The following PPP4R4 variants were observed in gnomAD, a reference collection of about 807,000 sequenced individuals.
PPP4R4 encodes protein phosphatase 4 regulatory subunit 4.
In PPP4R4, 70 loss-of-function variants were observed where a neutral mutation model predicts 121.8. The observed-to-expected ratio is 0.57, with a 90% confidence interval of 0.47 to 0.70. The LOEUF is 0.70. Among genes scored for constraint, PPP4R4 ranks in the 30% least tolerant of loss-of-function variants. The pLI is 0.00. For synonymous variants in PPP4R4, 348 were observed against 355.7 expected, an observed-to-expected ratio of 0.98 and a Z score of 0.24; for missense variants, 875 against 1,033.6, an observed-to-expected ratio of 0.85 and a Z score of 2.10.
chr14:94,256,732 AT>A, intron 17 of PPP4R4, 128 bp downstream of exon 17: 2 of 1,054,348 alleles, frequency 1.9e-6, no homozygotes, highest in South Asian at 3.9e-5. Flanking sequence ...AATTGTAAGA[AT>A]TAGTAAATGA....
intron 3 of PPP4R4, among the ~76,000 whole-genome samples, chr14:94,225,720 A>C (rs536976299): frequency 6.6e-6 from 1 of 152,308 alleles, no homozygotes; most frequent in South Asian, 2.1e-4. Context: ...ACTTCTTTCC[A>C]GTTTCCCAGA....
chr14:94,186,511 A>G (rs1157735541), intron 2 of PPP4R4, among the ~76,000 whole-genome samples: 4 of 152,206 alleles, frequency 2.6e-5, no homozygotes, highest in Admixed American at 1.3e-4. Context: ...CAGTTGATGG[A>G]CATTTGGGTA....
intron 18 of PPP4R4, 62 bp from the exon 19 acceptor site, chr14:94,259,233 A>G (rs74390442): frequency 0.09 from 138,618 of 1,542,392 alleles, 7,513 homozygotes; most frequent in African/African-American, 0.18. Flanking sequence ...TGAAAGGAAT[A>G]TTTTAAACTT....
intron 17 of PPP4R4, among the ~76,000 whole-genome samples, chr14:94,257,535 G>A (rs996516444): frequency 1.3e-5 from 2 of 151,764 alleles, no homozygotes; most frequent in African/African-American, 4.8e-5. Context: ...TAAGTGATTT[G>A]ATGACTTAGT....
At chr14:94,276,675 G>C (rs897393460) in intron 24 of PPP4R4, among the ~76,000 whole-genome samples, 2 of 152,110 alleles carry the variant, frequency 1.3e-5, no homozygotes, top group South Asian at 4.1e-4. Context: ...CCTCCCACCA[G>C]GCCTCATCTC....
At chr14:94,253,808 GGC>G (rs1893319688) in intron 16 of PPP4R4, among the ~76,000 whole-genome samples, 1 of 152,164 alleles carries the variant, frequency 6.6e-6, no homozygotes, top group South Asian at 2.1e-4. Flanking sequence ...TCTCTTGCCT[GGC>G]CAGCTGCCAG....
Position 94,246,405 on chromosome 14 carries a change from C to T in PPP4R4, c.1477C>T (p.Arg493Ter), listed in dbSNP as rs763448177. 1.9e-6 allele frequency: 3 copies of T among 1,613,800 alleles called. No homozygotes were observed. Among genetic ancestry groups the T allele is most frequent in the Non-Finnish European group, 1.7e-6 (2 of 1,179,880 alleles). Residue 493 changes from arginine to a stop codon, truncating the protein, a stop_gained, in exon 14 of 25, where the codon CGA (arginine) becomes TGA (stop). Coordinates refer to ENST00000304338, the MANE Select transcript of PPP4R4 (RefSeq NM_058237.2). LOFTEE classifies it high-confidence loss of function. ...LIPALTAAEQ[R>*]AAASLKWRTH... Reference sequence around the variant, plus strand: ...TCCAGCACTCACAGCTGCTGAACAGCGAGCTGCAGCCTCTTTAAAATGGAG... The same window carrying T: ...TCCAGCACTCACAGCTGCTGAACAGTGAGCTGCAGCCTCTTTAAAATGGAG...
chr14:94,192,951 T>G (rs1272231399), intron 2 of PPP4R4, among the ~76,000 whole-genome samples: 3 of 152,202 alleles, frequency 2.0e-5, no homozygotes, highest in African/African-American at 7.2e-5. Flanking sequence ...GTACCTGGAT[T>G]TATTCTAACA....
rs1339979703 is a variant in PPP4R4 at position 94,266,437 on chromosome 14, C to T, written c.2379-522C>T. On this transcript the variant is annotated intron_variant, in intron 22 of 24. Coordinates refer to ENST00000304338, the MANE Select transcript of PPP4R4 (RefSeq NM_058237.2). ...ACCATGATTTTTTATATGTGCTATA[C>T]AAACTGCTGTATGTCAATTGACAAG... is the stretch of plus-strand genomic sequence containing the variant. Among the ~76,000 whole-genome samples, 3 of 152,206 alleles carry T rather than the reference C, an allele frequency of 2.0e-5. No individual in the cohort carries two copies. The East Asian group carries it at 5.8e-4, about 29-fold the overall frequency.
intron 11 of PPP4R4, among the ~76,000 whole-genome samples, chr14:94,243,104 T>C (rs1486511659): frequency 6.6e-6 from 1 of 152,176 alleles, no homozygotes; most frequent in Non-Finnish European, 1.5e-5. Flanking sequence ...TGTGTTCCTA[T>C]GTCAGAGCAC....
rs562535521 is a variant in PPP4R4, at chr14:94,215,278, A to G, written c.294+6712A>G. Among the ~76,000 whole-genome samples, 15 of 152,366 alleles carry G rather than the reference A, an allele frequency of 9.8e-5. No individual in the cohort carries two copies. The East Asian group carries it at 2.9e-3, about 29-fold the overall frequency. ...ATGAATATTTTATTGGGAGATTTCTAGGAAGCATGAAAGTATGTAATTTAT... is the reference window on the plus strand; with the variant it reads ...ATGAATATTTTATTGGGAGATTTCTGGGAAGCATGAAAGTATGTAATTTAT... On this transcript the variant is annotated intron_variant, in intron 3 of 24. Coordinates refer to ENST00000304338, the MANE Select transcript of PPP4R4 (RefSeq NM_058237.2).
intron 2 of PPP4R4, among the ~76,000 whole-genome samples, chr14:94,198,554 A>AT (rs1361518963): frequency 6.6e-6 from 1 of 152,194 alleles, no homozygotes; most frequent in Non-Finnish European, 1.5e-5. Flanking sequence ...TGATTTTTAA[A>AT]TTTTTTATAC....
At chr14:94,271,644 G>T (rs1291513387) in intron 23 of PPP4R4, among the ~76,000 whole-genome samples, 1 of 152,102 alleles carries the variant, frequency 6.6e-6, no homozygotes, top group African/African-American at 2.4e-5. Context: ...CATCATACTG[G>T]AAGTTCTAGA....
rs1890182319 is a variant in PPP4R4 at position 94,201,571 on chromosome 14, C to T, written c.192-6893C>T. On this transcript the variant is annotated intron_variant, in intron 2 of 24. Transcript: ENST00000304338. ...AAGTCCTTTTTATCATTATGTAATG[C>T]CCCTCTTTGTCTTTTTAAACTGCTG... 2.0e-5 allele frequency among the ~76,000 whole-genome samples: 3 copies of T among 152,104 alleles called. No individual in the cohort carries two copies. The South Asian group carries it at 6.2e-4, about 32-fold the overall frequency.
At chr14:94,233,187 C>T (rs1892143695) in intron 5 of PPP4R4, among the ~76,000 whole-genome samples, 1 of 152,108 alleles carries the variant, frequency 6.6e-6, no homozygotes, top group Non-Finnish European at 1.5e-5. Context: ...CCAGTATATA[C>T]ATAATGCAAT....
intron 14 of PPP4R4, among the ~76,000 whole-genome samples, chr14:94,248,572 G>A (rs950942930): frequency 6.6e-6 from 1 of 152,090 alleles, no homozygotes; most frequent in Non-Finnish European, 1.5e-5. Context: ...AATTACTCTT[G>A]AATAGCCAGC....
At chr14:94,278,522 A>G in intron 24 of PPP4R4, 97 bp from the exon 25 acceptor site, 1 of 669,338 alleles carries the variant, frequency 1.5e-6, no homozygotes, top group Non-Finnish European at 2.5e-6. Context: ...TGTACACATT[A>G]TATGAATAAC....
chr14:94,226,847 T>A (rs1244876982), intron 3 of PPP4R4, among the ~76,000 whole-genome samples: 1 of 152,230 alleles, frequency 6.6e-6, no homozygotes. Flanking sequence ...TCAGTTTTAT[T>A]CAATAAGATT....
In PPP4R4 at chr14:94,208,549, G is replaced by C; in HGVS notation, c.277G>C (p.Val93Leu). Residue 93 changes from valine (V) to leucine (L), a missense_variant, in exon 3 of 25, where the codon GTG becomes CTG. By Grantham distance (32) the Val-to-Leu change is conservative. Coordinates refer to ENST00000304338, the MANE Select transcript of PPP4R4 (RefSeq NM_058237.2). Reference sequence around the variant, plus strand: ...GAATCCCACTGAGACGCTTCGGAGAGTGTTGCCAAAAGTCAGAGTAAGTTG... The same window carrying C: ...GAATCCCACTGAGACGCTTCGGAGACTGTTGCCAAAAGTCAGAGTAAGTTG... Reference protein sequence around the residue: ...RQNPTETLRRVLPKVREALHV... With the variant: ...RQNPTETLRRLLPKVREALHV... 6.2e-7 allele frequency: 1 copy of C among 1,608,114 alleles called. No individual in the cohort carries two copies. The highest frequency in any genetic ancestry group is 8.5e-7 in the Non-Finnish European group (1 of 1,175,432).
Sources: gnomAD v4.1 joint callset for allele counts (sites outside exome capture counted in the v4.1 genomes callset) on GRCh38, gnomAD v4.1.1 for gene constraint, MANE v1.5 for transcripts, NCBI Gene and HGNC (gene_info 2026-07-23, HGNC 2026-07-21) for gene names.